Variants in EYS observed in about 807,000 individuals in gnomAD.
EYS encodes EGF-like photoreceptor maintenance factor, also known as protein eyes shut homolog.
In EYS, 250 loss-of-function variants were observed where a neutral mutation model predicts 282.1. That is an observed-to-expected ratio of 0.89 (90% CI 0.80 to 0.98). EYS has a LOEUF of 0.98. Ranked by LOEUF, EYS falls within the 50% of genes least tolerant of loss-of-function variation. The probability of loss-of-function intolerance (pLI) is 0.00; values close to 1 mark genes in which losing one functional copy is unlikely to be tolerated. For missense variants in EYS, 4,016 were observed against 3,709.0 expected (o/e 1.08, Z -2.15); for synonymous variants, 1,355 against 1,282.9 (o/e 1.06, Z -1.20).
chr6:64,560,498 T>G (rs868657041), intron 26 of EYS, among the ~76,000 whole-genome samples: 1 of 152,082 alleles, frequency 6.6e-6, no homozygotes, highest in Non-Finnish European at 1.5e-5. Context: ...ATATACACTT[T>G]CAATTCGCTT....
intron 28 of EYS, among the ~76,000 whole-genome samples, chr6:64,411,432 A>G (rs1773886656): frequency 6.6e-6 from 1 of 152,202 alleles, no homozygotes; most frequent in Admixed American, 6.6e-5. Flanking sequence ...AAGTTAGATC[A>G]TACAAATGGA....
chr6:64,503,924 TC>T, intron 26 of EYS, among the ~76,000 whole-genome samples: 1 of 152,154 alleles, frequency 6.6e-6, no homozygotes, highest in African/African-American at 2.4e-5. Context: ...GTGTGGCACA[TC>T]CCCCTTGGCT....
At chr6:64,783,111 G>C (rs1430599986) in intron 22 of EYS, among the ~76,000 whole-genome samples, 1 of 152,044 alleles carries the variant, frequency 6.6e-6, no homozygotes, top group Non-Finnish European at 1.5e-5. Flanking sequence ...CCACCTATCA[G>C]TCACATAGCA....
At chr6:63,730,016 G>A (rs556624950) in intron 41 of EYS, among the ~76,000 whole-genome samples, 1 of 152,116 alleles carries the variant, frequency 6.6e-6, no homozygotes, top group Non-Finnish European at 1.5e-5. Context: ...CATGTTTGAA[G>A]TTGTACTGCT....
chr6:64,353,118 G>T (rs993337141), intron 29 of EYS, among the ~76,000 whole-genome samples: 1 of 151,392 alleles, frequency 6.6e-6, no homozygotes, highest in African/African-American at 2.4e-5. Flanking sequence ...ATGACTAGGT[G>T]CTTCATGAAT....
chr6:64,993,107 C>G (rs1362053094), intron 14 of EYS, among the ~76,000 whole-genome samples: 1 of 151,918 alleles, frequency 6.6e-6, no homozygotes, highest in Non-Finnish European at 1.5e-5. Context: ...ATAGCAAAGG[C>G]TGTTCCCCAT....
Position 63,737,609 on chromosome 6 carries a change from G to A in EYS, c.8072-10929C>T, listed in dbSNP as rs566079669. Among the ~76,000 whole-genome samples, 959 of 145,712 alleles carry A rather than the reference G, an allele frequency of 6.6e-3. 9 individuals are homozygous for A. Among genetic ancestry groups the A allele is most frequent in the African/African-American group, 0.023 (894 of 39,410 alleles). On this transcript the variant is annotated intron_variant, in intron 41 of 42. Coordinates refer to ENST00000503581, the MANE Select transcript of EYS (RefSeq NM_001142800.2). ...AGGATGATGCTGGCCTCATAAAATGGGTTAGGGAGGATTCCCTCTTTTTCT... is the reference window on the plus strand; with the variant it reads ...AGGATGATGCTGGCCTCATAAAATGAGTTAGGGAGGATTCCCTCTTTTTCT...
chr6:65,331,579 A>C (rs760580652), intron 11 of EYS: 47 of 971,442 alleles, frequency 4.8e-5, no homozygotes, highest in Non-Finnish European at 5.6e-5. Context: ...AATTACAAAA[A>C]TTTTGTAATT....
chr6:65,329,501 T>C (rs570298496), intron 11 of EYS: 14 of 978,592 alleles, frequency 1.4e-5, no homozygotes, highest in African/African-American at 1.8e-5. Context: ...ACACTTGATC[T>C]AGTGGTTTCA....
chr6:64,608,896 G>A (rs1260068281), intron 24 of EYS, among the ~76,000 whole-genome samples: 3 of 152,260 alleles, frequency 2.0e-5, no homozygotes, highest in Non-Finnish European at 4.4e-5. Context: ...TGCCAGAGAT[G>A]GAGGGGACAG....
chr6:64,027,987 C>T (rs575456479), intron 33 of EYS, among the ~76,000 whole-genome samples: 64 of 152,338 alleles, frequency 4.2e-4, no homozygotes, highest in African/African-American at 1.4e-3. Context: ...CTGAGGAATC[C>T]TGGGACAGCC....
At chr6:64,097,532 G>A (rs1772671231) in intron 31 of EYS, among the ~76,000 whole-genome samples, 1 of 152,190 alleles carries the variant, frequency 6.6e-6, no homozygotes, top group Non-Finnish European at 1.5e-5. Flanking sequence ...AAGGCTGCGT[G>A]GGTGTAGGAC....
At chr6:65,071,110 C>A (rs947424838) in intron 12 of EYS, among the ~76,000 whole-genome samples, 2 of 151,390 alleles carry the variant, frequency 1.3e-5, no homozygotes, top group African/African-American at 4.8e-5. Context: ...ATAAATTTGT[C>A]TTTACTAAAG....
rs560249774 is a variant in EYS, at chr6:65,100,199, T to G, written c.2024-42472A>C. On this transcript the variant is annotated intron_variant, in intron 12 of 42. Transcript: ENST00000503581. Reference sequence around the variant, plus strand: ...TGATGCAAATAATATTATAACAGCATTCTGAAAAATAGGCATTAAAAATGT... The same window carrying G: ...TGATGCAAATAATATTATAACAGCAGTCTGAAAAATAGGCATTAAAAATGT... 2.6e-5 allele frequency among the ~76,000 whole-genome samples: 4 copies of G among 150,950 alleles called. No individual in the cohort carries two copies. In the South Asian group the frequency reaches 8.3e-4, roughly 31 times the overall value.
chr6:64,369,831 G>T (rs1403674685), intron 29 of EYS, among the ~76,000 whole-genome samples: 1 of 151,934 alleles, frequency 6.6e-6, no homozygotes, highest in Non-Finnish European at 1.5e-5. Flanking sequence ...ATTTCACCTT[G>T]GATATTGTTG....
chr6:65,196,780 T>G (rs1765777141), intron 12 of EYS, among the ~76,000 whole-genome samples: 1 of 152,078 alleles, frequency 6.6e-6, no homozygotes, highest in African/African-American at 2.4e-5. Context: ...TATCTCTCTG[T>G]CAATGTTACA....
At chr6:65,157,449 C>T (rs1764754581) in intron 12 of EYS, among the ~76,000 whole-genome samples, 1 of 150,456 alleles carries the variant, frequency 6.6e-6, no homozygotes, top group Non-Finnish European at 1.5e-5. Context: ...GAATTTTAAC[C>T]TAAGTTATTT....
intron 2 of EYS, among the ~76,000 whole-genome samples, chr6:65,595,877 A>G (rs764552268): frequency 2.0e-5 from 3 of 152,082 alleles, no homozygotes; most frequent in Non-Finnish European, 4.4e-5. Flanking sequence ...AATATCAGAA[A>G]TAATGGGATA....
At chr6:65,364,354 T>C (rs1443419836) in intron 8 of EYS, among the ~76,000 whole-genome samples, 2 of 151,198 alleles carry the variant, frequency 1.3e-5, no homozygotes, top group Non-Finnish European at 3.0e-5. Flanking sequence ...AGTCATTACA[T>C]AGGAAACAGT....
Sources: allele counts gnomAD v4.1 joint callset (sites outside exome capture counted in the v4.1 genomes callset), GRCh38; gene constraint gnomAD v4.1.1; transcripts MANE v1.5; gene names NCBI Gene and HGNC (gene_info 2026-07-23, HGNC 2026-07-21).